Variants in B3GALT1 observed in about 807,000 individuals in gnomAD.
B3GALT1 encodes the protein beta-1,3-galactosyltransferase 1, also known as UDP-Gal:betaGlcNAc beta 1,3-galactosyltransferase, polypeptide 1.
A neutral mutation model predicts 23.2 loss-of-function variants in B3GALT1; 10 were observed. That is an observed-to-expected ratio of 0.43 (90% confidence interval 0.27 to 0.73). The LOEUF (loss-of-function observed/expected upper bound fraction) is 0.73, where lower values mean the gene tolerates loss of function less well. B3GALT1 is among the 30% of genes least tolerant of loss of function. The pLI, the probability that B3GALT1 is intolerant of heterozygous loss-of-function variation, is 0.21. For missense variants in B3GALT1, 299 were observed against 405.4 expected, an observed-to-expected ratio of 0.74 and a Z score of 2.25; for synonymous variants, 156 against 141.5, an observed-to-expected ratio of 1.10 and a Z score of -0.73.
intron 1 of B3GALT1, among the ~76,000 whole-genome samples, chr2:167,332,216 C>T (rs887893907): frequency 6.6e-6 from 1 of 152,098 alleles, no homozygotes. Flanking sequence ...CTGCTGGGGG[C>T]TCTCACTTCC....
intron 3 of B3GALT1, among the ~76,000 whole-genome samples, chr2:167,762,671 G>A (rs1279943626): frequency 1.3e-5 from 2 of 152,126 alleles, no homozygotes; most frequent in Non-Finnish European, 2.9e-5. Flanking sequence ...GTGCCGATGG[G>A]ACTGAAGCCT....
At chr2:167,542,891 G>A (rs993008475) in intron 2 of B3GALT1, among the ~76,000 whole-genome samples, 1 of 148,924 alleles carries the variant, frequency 6.7e-6, no homozygotes, top group Non-Finnish European at 1.5e-5. Context: ...TTATTTATTT[G>A]TACCCTATAA....
chr2:167,299,096 T>C (rs1454697915), intron 1 of B3GALT1, among the ~76,000 whole-genome samples: 4 of 152,164 alleles, frequency 2.6e-5, no homozygotes, highest in East Asian at 1.9e-4. Context: ...ATAACTGATA[T>C]ACTGCACTTA....
chr2:167,768,833 T>C (rs183260148), intron 3 of B3GALT1, among the ~76,000 whole-genome samples: 17 of 152,344 alleles, frequency 1.1e-4, no homozygotes, highest in African/African-American at 4.1e-4. Flanking sequence ...CTGTGCTTGA[T>C]AGCGATTATG....
chr2:167,303,226 T>A (rs1696480217), intron 1 of B3GALT1, among the ~76,000 whole-genome samples: 1 of 152,176 alleles, frequency 6.6e-6, no homozygotes, highest in Admixed American at 6.5e-5. Context: ...TAGTTATTTT[T>A]TCCTTTTGTG....
At chr2:167,417,846 A>G (rs1698492786) in intron 1 of B3GALT1, among the ~76,000 whole-genome samples, 1 of 152,240 alleles carries the variant, frequency 6.6e-6, no homozygotes, top group Non-Finnish European at 1.5e-5. Context: ...CTGGTGACTC[A>G]GATGCTATAA....
At chr2:167,809,526 T>TA (rs1282770154) in intron 3 of B3GALT1, among the ~76,000 whole-genome samples, 1 of 152,248 alleles carries the variant, frequency 6.6e-6, no homozygotes, top group African/African-American at 2.4e-5. Flanking sequence ...GCTGCAGGTC[T>TA]GTTAGAGTTT....
At chr2:167,776,541 T>C (rs995705819) in intron 3 of B3GALT1, among the ~76,000 whole-genome samples, 5 of 152,194 alleles carry the variant, frequency 3.3e-5, no homozygotes, top group Non-Finnish European at 5.9e-5. Flanking sequence ...AGGCACTCAA[T>C]ACGTTTACTT....
At chr2:167,460,728 T>C (rs1305999021) in intron 1 of B3GALT1, among the ~76,000 whole-genome samples, 1 of 152,134 alleles carries the variant, frequency 6.6e-6, no homozygotes, top group Non-Finnish European at 1.5e-5. Flanking sequence ...CCTCTATAAA[T>C]TGATTCTTCC....
At chr2:167,861,565 A>G (rs1240708016) in intron 4 of B3GALT1, among the ~76,000 whole-genome samples, 1 of 152,174 alleles carries the variant, frequency 6.6e-6, no homozygotes, top group African/African-American at 2.4e-5. Context: ...AAGGAGACAA[A>G]AACTTAGTAA....
chr2:167,714,117 T>C, intron 3 of B3GALT1: 2 of 1,527,480 alleles, frequency 1.3e-6, no homozygotes, highest in Non-Finnish European at 1.8e-6. Flanking sequence ...GACCCATCCA[T>C]TTTATCCAAA....
intron 2 of B3GALT1, among the ~76,000 whole-genome samples, chr2:167,547,693 CAAA>C (rs71031296): frequency 7.9e-5 from 6 of 75,510 alleles, no homozygotes; most frequent in Non-Finnish European, 9.8e-5. Flanking sequence ...GACTCTGTCT[CAAA>C]AAAAAAAAAA....
chr2:167,355,977 A>G (rs1697395687), intron 1 of B3GALT1, among the ~76,000 whole-genome samples: 1 of 152,212 alleles, frequency 6.6e-6, no homozygotes, highest in Non-Finnish European at 1.5e-5. Context: ...AGTGCTAAAG[A>G]TGATTCATAC....
intron 3 of B3GALT1, among the ~76,000 whole-genome samples, chr2:167,741,657 C>T (rs1486787153): frequency 3.9e-5 from 6 of 152,162 alleles, no homozygotes; most frequent in Admixed American, 3.9e-4. Flanking sequence ...TTCAGGTCCC[C>T]AGCCCTTGTA....
chr2:167,583,277 C>T (rs1239734957), intron 2 of B3GALT1, among the ~76,000 whole-genome samples: 1 of 152,084 alleles, frequency 6.6e-6, no homozygotes, highest in Non-Finnish European at 1.5e-5. Context: ...TCTTTTATTG[C>T]CCTATGTCAT....
At chr2:167,664,588 C>T (rs548744174) in intron 3 of B3GALT1, among the ~76,000 whole-genome samples, 1 of 152,116 alleles carries the variant, frequency 6.6e-6, no homozygotes, top group African/African-American at 2.4e-5. Flanking sequence ...TTCTTCCTAC[C>T]CATGAGCATG....
intron 1 of B3GALT1, among the ~76,000 whole-genome samples, chr2:167,429,198 G>A (rs931477135): frequency 1.3e-5 from 2 of 150,660 alleles, no homozygotes; most frequent in East Asian, 2.0e-4. Flanking sequence ...AGGGAATGGC[G>A]TGAACCCAGG....
intron 4 of B3GALT1, among the ~76,000 whole-genome samples, chr2:167,854,223 C>T (rs1035511372): frequency 1.3e-5 from 2 of 152,068 alleles, no homozygotes; most frequent in Non-Finnish European, 2.9e-5. Context: ...TCATTTTATA[C>T]TTAAAGAAAT....
chr2:167,500,374 G>C (rs1165855139), intron 2 of B3GALT1, among the ~76,000 whole-genome samples: 1 of 152,100 alleles, frequency 6.6e-6, no homozygotes, highest in East Asian at 1.9e-4. Context: ...TCTAAAACAT[G>C]GGTTCAATGT....
Sources: gnomAD v4.1 joint callset for allele counts (sites outside exome capture counted in the v4.1 genomes callset) on GRCh38, gnomAD v4.1.1 for gene constraint, MANE v1.5 for transcripts, NCBI Gene and HGNC (gene_info 2026-07-23, HGNC 2026-07-21) for gene names.